Variants in RPAP1 observed in about 807,000 individuals in gnomAD.
The protein encoded by RPAP1 is RNA polymerase II-associated protein 1.
In RPAP1, 109 loss-of-function variants were observed where a neutral mutation model predicts 142.4. That is an observed-to-expected ratio of 0.77 (90% CI 0.66 to 0.90). RPAP1 has a LOEUF of 0.90. Among genes scored for constraint, RPAP1 ranks in the 40% least tolerant of loss-of-function variants. RPAP1 has a pLI of 0.00. For synonymous variants in RPAP1, 704 were observed against 738.9 expected, an observed-to-expected ratio of 0.95 and a Z score of 0.77; for missense variants, 1,546 against 1,751.7, an observed-to-expected ratio of 0.88 and a Z score of 2.10.
chr15:41,535,703 A>G, intron 4 of RPAP1, 71 bp from the exon 5 acceptor site: 1 of 1,565,752 alleles, frequency 6.4e-7, no homozygotes, highest in South Asian at 1.2e-5. Flanking sequence ...TCTTTATATC[A>G]AGGCCTCTGG....
Position 41,519,123 on chromosome 15 carries a change from C to T in RPAP1, c.3796-941G>A, listed in dbSNP as rs139475079. Among the ~76,000 whole-genome samples, 472 of 152,320 alleles carry T rather than the reference C, an allele frequency of 3.1e-3. 1 individual carries two copies. Among genetic ancestry groups the T allele is most frequent in the South Asian group, 5.2e-3 (25 of 4,822 alleles). ...CCCAAGCTGGTCAGAAACTCTTGGC[C>T]TCAAGCAATCCTCCCACCTTGGCCT... On this transcript the variant is annotated intron_variant, in intron 22 of 24. Coordinates refer to ENST00000304330, the MANE Select transcript of RPAP1 (RefSeq NM_015540.4).
intron 22 of RPAP1, among the ~76,000 whole-genome samples, chr15:41,518,820 T>C (rs2051695586): frequency 6.6e-6 from 1 of 152,212 alleles, no homozygotes; most frequent in African/African-American, 2.4e-5. Flanking sequence ...CACTCTAGCC[T>C]GAGCAACAGA....
chr15:41,537,171 T>C lies in RPAP1; in HGVS notation c.-46A>G. Reference sequence around the variant, plus strand: ...CCCAGTACGACTCTCTCCAGCAGTGTCTCCGTGTGGGGGTTCCCTCTTATT... The same window carrying C: ...CCCAGTACGACTCTCTCCAGCAGTGCCTCCGTGTGGGGGTTCCCTCTTATT... On this transcript the variant is annotated 5_prime_UTR_variant, in exon 2 of 25. Coordinates refer to ENST00000304330, the MANE Select transcript of RPAP1 (RefSeq NM_015540.4). 1 of 1,576,438 alleles carries C rather than the reference T, an allele frequency of 6.3e-7. No individual in the cohort carries two copies. Among genetic ancestry groups the C allele is most frequent in the Non-Finnish European group, 8.6e-7 (1 of 1,158,046 alleles).
chr15:41,537,059 C>T lies in RPAP1; in HGVS notation c.67G>A (p.Ala23Thr), dbSNP rs773385051. The T allele has an allele frequency of 9.9e-6, 16 of 1,613,982 alleles. No homozygotes were observed. In the Admixed American group the frequency reaches 1.7e-4, roughly 17 times the overall value. The part of the protein sequence containing the change: ...DLLHFQSQFL[A>T]AGAAPAVQLV... ...TGCACTGCTGGGGCTGCACCAGCTG[C>T]GAGAAACTGACTCTGGAAGTGCAGC... is the stretch of plus-strand genomic sequence containing the variant. The change falls in exon 2 of 25, where the codon GCA (alanine) becomes ACA (threonine). Residue 23 changes from alanine (A) to threonine (T), a missense_variant. Ala to Thr is a moderately conservative substitution (Grantham distance 58). Transcript: ENST00000304330.
chr15:41,524,890 C>T, intron 15 of RPAP1, 101 bp downstream of exon 15: 2 of 1,243,498 alleles, frequency 1.6e-6, no homozygotes, highest in Non-Finnish European at 2.2e-6. Flanking sequence ...TCTTATCCTT[C>T]CTCCAAGCTT....
intron 9 of RPAP1, among the ~76,000 whole-genome samples, chr15:41,529,245 G>A (rs1487574956): frequency 6.6e-6 from 1 of 152,212 alleles, no homozygotes; most frequent in Admixed American, 6.5e-5. Flanking sequence ...TGAGGCAGGA[G>A]AATGGCTTGA....
intron 19 of RPAP1, 71 bp downstream of exon 19, chr15:41,522,694 C>CA: frequency 2.8e-6 from 3 of 1,054,322 alleles, no homozygotes; most frequent in Non-Finnish European, 1.4e-6. Flanking sequence ...CCATCCCACC[C>CA]TCCCACTTTC....
intron 1 of RPAP1, among the ~76,000 whole-genome samples, chr15:41,538,500 G>A (rs907909343): frequency 1.4e-5 from 2 of 139,200 alleles, no homozygotes; most frequent in African/African-American, 5.4e-5. Context: ...GTGATCAGAG[G>A]CTTAGAGGAT....
In RPAP1 at chr15:41,523,977, A is replaced by G. The variant is rs759219048; in HGVS notation, c.2235-5T>C. ...AGGCTGGCCTCAGCAGAATCACTAC[A>G]AAAGTGCCAAAGGGTGCCACAGTGA... is the stretch of plus-strand genomic sequence containing the variant. On this transcript the variant is annotated splice_polypyrimidine_tract_variant and splice_region_variant and intron_variant, in intron 16 of 24. Coordinates refer to ENST00000304330, the MANE Select transcript of RPAP1 (RefSeq NM_015540.4). 2 of 1,613,684 alleles carry G rather than the reference A, an allele frequency of 1.2e-6. No individual in the cohort carries two copies. The highest frequency in any genetic ancestry group is 1.1e-5 in the South Asian group (1 of 90,932).
intron 14 of RPAP1, among the ~76,000 whole-genome samples, chr15:41,525,573 G>C (rs1455973891): frequency 6.6e-6 from 1 of 151,932 alleles, no homozygotes. Flanking sequence ...TGCTGACCTC[G>C]TGATTCACCC....
At chr15:41,527,788 G>T in intron 11 of RPAP1, 72 bp downstream of exon 11, 1 of 1,579,082 alleles carries the variant, frequency 6.3e-7, no homozygotes. Flanking sequence ...TTAGCAATGG[G>T]GCCATGCCCA....
Position 41,529,627 on chromosome 15 carries a change from C to T in RPAP1, c.1060-59G>A. On this transcript the variant is annotated intron_variant, in intron 8 of 24. Coordinates refer to ENST00000304330, the MANE Select transcript of RPAP1 (RefSeq NM_015540.4). The stretch of plus-strand genomic sequence containing the variant: ...GGCTCCAGCAACCTTCCCACACCCA[C>T]TCCCCACCTTTAATCCCAGGCCTTT... The T allele has an allele frequency of 8.1e-6, 10 of 1,228,920 alleles. No homozygotes were observed. The Admixed American group carries it at 1.5e-4, about 18-fold the overall frequency. The allele number at this position is 1,228,920 out of a possible 1,614,324, so 76.1% of individuals were successfully genotyped here.
intron 19 of RPAP1, chr15:41,522,451 T>C (rs1342325361): frequency 6.6e-6 from 4 of 607,568 alleles, no homozygotes; most frequent in Admixed American, 6.0e-5. Flanking sequence ...AGTGCAATGG[T>C]GTGATCTCAG....
chr15:41,531,664 G>A (rs1287096850), intron 6 of RPAP1, among the ~76,000 whole-genome samples: 1 of 116,508 alleles, frequency 8.6e-6, no homozygotes, highest in African/African-American at 3.4e-5. Flanking sequence ...TTTTTGAGAC[G>A]GAATCTCGCT....
chr15:41,526,763 T>C (rs1187050926), intron 14 of RPAP1, 135 bp downstream of exon 14: 5 of 900,548 alleles, frequency 5.6e-6, no homozygotes, highest in African/African-American at 3.3e-5. Flanking sequence ...TGATTTCTGT[T>C]GCATTTCTAA....
chr15:41,527,365 C>G, intron 12 of RPAP1, 58 bp downstream of exon 12: 1 of 1,612,942 alleles, frequency 6.2e-7, no homozygotes, highest in South Asian at 1.1e-5. Context: ...GATGGCCCCT[C>G]TTTCCAGCAT....
rs2051718282 is a variant in RPAP1 at position 41,520,839 on chromosome 15, G to T, written c.3347C>A (p.Thr1116Asn). 6 of 1,613,932 alleles carry T rather than the reference G, an allele frequency of 3.7e-6. No homozygotes were observed. The East Asian group carries it at 1.1e-4, about 30-fold the overall frequency. ...LIRLYHRASD[T>N]PSGLSPTDTM... ...GTCTGTGGGAGAGAGTCCCGAGGGG[G>T]TGTCTGAAGCCCGGTGGTAGAGGCG... is the stretch of plus-strand genomic sequence containing the variant. The change falls in exon 22 of 25, where the codon ACC (threonine) becomes AAC (asparagine). Residue 1116 changes from threonine to asparagine, a missense_variant. Thr to Asn is a moderately conservative substitution (Grantham distance 65, BLOSUM62 0). Transcript: ENST00000304330.
intron 1 of RPAP1, among the ~76,000 whole-genome samples, chr15:41,541,156 C>A (rs999204873): frequency 6.6e-6 from 1 of 152,196 alleles, no homozygotes; most frequent in African/African-American, 2.4e-5. Flanking sequence ...GGCGCAGTGG[C>A]TCACACCTGT....
At chr15:41,521,501 C>T (rs1168074151) in intron 21 of RPAP1, among the ~76,000 whole-genome samples, 1 of 152,112 alleles carries the variant, frequency 6.6e-6, no homozygotes, top group East Asian at 1.9e-4. Flanking sequence ...ATGTGTGTAA[C>T]TGATTTAGAT....
Sources: gnomAD v4.1 joint callset for allele counts (sites outside exome capture counted in the v4.1 genomes callset) on GRCh38, gnomAD v4.1.1 for gene constraint, MANE v1.5 for transcripts, NCBI Gene and HGNC (gene_info 2026-07-23, HGNC 2026-07-21) for gene names.